Variants in PAM observed in about 807,000 individuals in gnomAD.
PAM encodes the protein peptidyl-glycine alpha-amidating monooxygenase.
A neutral mutation model predicts 122.1 loss-of-function variants in PAM; 72 were observed. The ratio of observed to expected loss-of-function variants is 0.59; its 90% CI spans 0.49 to 0.72. The LOEUF (loss-of-function observed/expected upper bound fraction) is 0.72. PAM is among the 30% of genes least tolerant of loss of function. The probability of loss-of-function intolerance (pLI) is 0.00; values close to 1 mark genes in which losing one functional copy is unlikely to be tolerated. For synonymous variants in PAM, 389 were observed against 404.4 expected, an observed-to-expected ratio of 0.96 and a Z score of 0.46; for missense variants, 1,106 against 1,183.7, an observed-to-expected ratio of 0.93 and a Z score of 0.96.
At chr5:102,813,799 T>G (rs1160378060) in intron 1 of PAM, among the ~76,000 whole-genome samples, 1 of 152,164 alleles carries the variant, frequency 6.6e-6, no homozygotes, top group Non-Finnish European at 1.5e-5. Flanking sequence ...GTACTCTTTC[T>G]GCAGGCAAAA....
chr5:102,758,106 T>TTTTTTTG (rs1751159851), intron 1 of PAM, among the ~76,000 whole-genome samples: 1 of 119,690 alleles, frequency 8.4e-6, no homozygotes, highest in Non-Finnish European at 1.7e-5. Flanking sequence ...TTTTTTTTTT[T>TTTTTTTG]TTCTTGGGGC....
intron 16 of PAM, among the ~76,000 whole-genome samples, chr5:102,996,241 C>G (rs1775658221): frequency 6.6e-6 from 1 of 152,172 alleles, no homozygotes. Context: ...GTCTTTTCAA[C>G]TGAGTGCTTT....
chr5:102,807,323 A>T (rs1766510079), intron 1 of PAM, among the ~76,000 whole-genome samples: 1 of 152,220 alleles, frequency 6.6e-6, no homozygotes. Flanking sequence ...CAATTACTTT[A>T]AACTGGATAT....
At chr5:102,808,427 T>C (rs73185133) in intron 1 of PAM, among the ~76,000 whole-genome samples, 2,163 of 152,220 alleles carry the variant, frequency 0.014, 44 homozygotes, top group African/African-American at 0.05. Flanking sequence ...GGCAGGCACA[T>C]GTGGGGTAGG....
chr5:102,828,277 G>A (rs1354761763), intron 1 of PAM, among the ~76,000 whole-genome samples: 1 of 152,052 alleles, frequency 6.6e-6, no homozygotes, highest in African/African-American at 2.4e-5. Context: ...AGCCTAGAAG[G>A]CGGAGGTTGC....
chr5:102,987,496 T>C, intron 15 of PAM: 1 of 451,658 alleles, frequency 2.2e-6, no homozygotes, highest in Non-Finnish European at 4.4e-6. Context: ...TTAACAACAA[T>C]ATATTGTCTA....
At chr5:102,839,061 A>G (rs1777838179) in intron 1 of PAM, among the ~76,000 whole-genome samples, 1 of 152,184 alleles carries the variant, frequency 6.6e-6, no homozygotes, top group Admixed American at 6.5e-5. Flanking sequence ...TATAAAGCTT[A>G]GACAGCTTAA....
At chr5:102,792,580 G>T (rs1762311112) in intron 1 of PAM, among the ~76,000 whole-genome samples, 1 of 152,156 alleles carries the variant, frequency 6.6e-6, no homozygotes, top group African/African-American at 2.4e-5. Context: ...CCACTGACTG[G>T]CATTGTGAAG....
At chr5:103,014,715 C>T (rs142189688) in intron 21 of PAM, among the ~76,000 whole-genome samples, 281 of 152,214 alleles carry the variant, frequency 1.8e-3, no homozygotes, top group African/African-American at 6.4e-3. Flanking sequence ...GAGATGTTTC[C>T]ATCTGAATGT....
intron 1 of PAM, among the ~76,000 whole-genome samples, chr5:102,860,845 A>G (rs1346638037): frequency 6.6e-6 from 1 of 152,138 alleles, no homozygotes; most frequent in Non-Finnish European, 1.5e-5. Context: ...AATCATAGCC[A>G]CTTAATAAAA....
At chr5:102,796,912 G>A (rs968971713) in intron 1 of PAM, among the ~76,000 whole-genome samples, 1 of 152,142 alleles carries the variant, frequency 6.6e-6, no homozygotes, top group Non-Finnish European at 1.5e-5. Flanking sequence ...GTTGTACAAA[G>A]TGCTAAATGA....
At chr5:102,816,767 T>C (rs1384528629) in intron 1 of PAM, among the ~76,000 whole-genome samples, 1 of 152,172 alleles carries the variant, frequency 6.6e-6, no homozygotes, top group Non-Finnish European at 1.5e-5. Context: ...CTTTCTTCTC[T>C]ATTAAAACTC....
chr5:102,788,173 T>C (rs1761072712), intron 1 of PAM, among the ~76,000 whole-genome samples: 2 of 152,120 alleles, frequency 1.3e-5, no homozygotes, highest in South Asian at 4.1e-4. Context: ...AGTAATTTTC[T>C]TTTATAATTT....
chr5:102,857,623 G>A (rs564260313), intron 1 of PAM, among the ~76,000 whole-genome samples: 17 of 152,228 alleles, frequency 1.1e-4, no homozygotes, highest in East Asian at 3.9e-4. Flanking sequence ...CAACCATGGC[G>A]TCAGATTGCC....
At chr5:102,818,177 A>C (rs1050856382) in intron 1 of PAM, among the ~76,000 whole-genome samples, 2 of 129,894 alleles carry the variant, frequency 1.5e-5, no homozygotes, top group Admixed American at 1.7e-4. Flanking sequence ...CTTATTAATT[A>C]CATTTATTTT....
chr5:102,881,415 A>G (rs542012730), intron 3 of PAM, among the ~76,000 whole-genome samples: 20 of 152,212 alleles, frequency 1.3e-4, no homozygotes, highest in Admixed American at 1.2e-3. Flanking sequence ...CAAAAGAGCT[A>G]TGATATACAG....
intron 9 of PAM, 76 bp from the exon 10 acceptor site, chr5:102,949,461 A>G (rs1758057724): frequency 1.0e-5 from 8 of 802,430 alleles, no homozygotes; most frequent in South Asian, 8.1e-5. Context: ...TGAATACCCT[A>G]TGCATAATTT....
At chr5:102,788,868 T>A (rs73183194) in intron 1 of PAM, among the ~76,000 whole-genome samples, 2,129 of 152,222 alleles carry the variant, frequency 0.014, 43 homozygotes, top group African/African-American at 0.049. Flanking sequence ...ATATGTGTCA[T>A]CTGAAAGTGG....
rs1256878547 is a variant in PAM, at chr5:102,950,058, C to T, written c.801+80C>T. 6 of 778,080 alleles carry T rather than the reference C, an allele frequency of 7.7e-6. 1 individual carries two copies. The highest frequency in any genetic ancestry group is 4.1e-5 in the Admixed American group (2 of 48,728). The allele number at this position is 778,080 out of a possible 1,614,324, so 48.2% of individuals were successfully genotyped here. ...AATTTTTAAAAATTATTATGCAACTCTTGTGAATTTCTCTAAAAATCTCTA... is the reference window on the plus strand; with the variant it reads ...AATTTTTAAAAATTATTATGCAACTTTTGTGAATTTCTCTAAAAATCTCTA... On this transcript the variant is annotated intron_variant, in intron 11 of 25. Coordinates refer to ENST00000438793, the MANE Select transcript of PAM (RefSeq NM_001177306.2).
Sources: allele counts gnomAD v4.1 joint callset (sites outside exome capture counted in the v4.1 genomes callset), GRCh38; gene constraint gnomAD v4.1.1; transcripts MANE v1.5; gene names NCBI Gene and HGNC (gene_info 2026-07-23, HGNC 2026-07-21).